UGT1A8: variants seen among roughly 807,000 people sequenced by gnomAD.
UGT1A8 encodes the protein UDP-glucuronosyltransferase 1A8.
UGT1A8 carries 39 observed loss-of-function variants against 45.3 expected under a neutral mutation model. The observed-to-expected ratio is 0.86, with a 90% CI of 0.67 to 1.12. The LOEUF (loss-of-function observed/expected upper bound fraction) is 1.12, where lower values mean the gene tolerates loss of function less well. Ranked by LOEUF, UGT1A8 falls within the 50% of genes most tolerant of loss-of-function variation. UGT1A8 has a pLI of 0.00. For missense variants in UGT1A8, 719 were observed against 664.9 expected (o/e 1.08, Z -0.90); for synonymous variants, 275 against 249.2 (o/e 1.10, Z -0.97).
intron 1 of UGT1A8, among the ~76,000 whole-genome samples, chr2:233,687,757 T>C (rs1463334802): frequency 6.6e-6 from 1 of 151,926 alleles, no homozygotes; most frequent in Non-Finnish European, 1.5e-5. Flanking sequence ...GTTTTAAAAA[T>C]TAGCTGGGCC....
chr2:233,710,730 G>T (rs192565787), intron 1 of UGT1A8, among the ~76,000 whole-genome samples: 1 of 152,102 alleles, frequency 6.6e-6, no homozygotes, highest in Non-Finnish European at 1.5e-5. Flanking sequence ...AAAAAACAAC[G>T]TCTTTCAAGG....
At chr2:233,722,627 C>T (rs571426683) in intron 1 of UGT1A8, among the ~76,000 whole-genome samples, 9 of 152,238 alleles carry the variant, frequency 5.9e-5, no homozygotes, top group African/African-American at 2.2e-4. Flanking sequence ...CTTAATGAAG[C>T]ATTGAGGGCT....
intron 1 of UGT1A8, among the ~76,000 whole-genome samples, chr2:233,673,494 G>C (rs1342736745): frequency 2.0e-5 from 3 of 151,848 alleles, no homozygotes; most frequent in Admixed American, 6.6e-5. Context: ...TTTTATCTTA[G>C]TTGACTAGAG....
At chr2:233,706,491 C>T (rs1051285844) in intron 1 of UGT1A8, among the ~76,000 whole-genome samples, 1 of 152,182 alleles carries the variant, frequency 6.6e-6, no homozygotes, top group Non-Finnish European at 1.5e-5. Context: ...TGAGGGTGTC[C>T]AGGCTGGTGT....
chr2:233,727,556 C>T (rs2077628647), intron 1 of UGT1A8, among the ~76,000 whole-genome samples: 1 of 152,116 alleles, frequency 6.6e-6, no homozygotes, highest in Non-Finnish European at 1.5e-5. Context: ...CACCTGGGCT[C>T]ATCATGAGGG....
chr2:233,655,632 A>G (rs1175286248), intron 1 of UGT1A8, among the ~76,000 whole-genome samples: 2 of 148,792 alleles, frequency 1.3e-5, no homozygotes, highest in African/African-American at 5.0e-5. Flanking sequence ...AGTTTCACAG[A>G]CTCTTCTCTT....
chr2:233,724,617 C>G (rs553228713), intron 1 of UGT1A8, among the ~76,000 whole-genome samples: 1 of 135,362 alleles, frequency 7.4e-6, no homozygotes, highest in South Asian at 2.8e-4. Flanking sequence ...CGGGCAGAGA[C>G]GCTCCTCACT....
At chr2:233,630,466 G>A (rs746939549) in intron 1 of UGT1A8, among the ~76,000 whole-genome samples, 2 of 152,086 alleles carry the variant, frequency 1.3e-5, no homozygotes, top group Non-Finnish European at 2.9e-5. Context: ...CAAATATTCT[G>A]GTTGATTTTC....
In UGT1A8 at chr2:233,680,118, A is replaced by G. The variant is rs180960924; in HGVS notation, c.855+61556A>G. The stretch of plus-strand genomic sequence containing the variant: ...CAATCATAGCGGCAGAGCTCAATCT[A>G]CGGTACCTATCAAGTAATTCAAGTT... On this transcript the variant is annotated intron_variant, in intron 1 of 4. Coordinates refer to ENST00000373450, the MANE Select transcript of UGT1A8 (RefSeq NM_019076.5). Among the ~76,000 whole-genome samples, 32 of 152,110 alleles carry G rather than the reference A, an allele frequency of 2.1e-4. No homozygotes were observed. In the East Asian group the frequency reaches 6.2e-3, roughly 29 times the overall value.
At chr2:233,704,044 A>C (rs4521035) in intron 1 of UGT1A8, among the ~76,000 whole-genome samples, 86,978 of 151,728 alleles carry the variant, frequency 0.57, 26,924 homozygotes, top group African/African-American at 0.82. Flanking sequence ...GTGTGCACCA[A>C]CATGCCTGGC....
intron 1 of UGT1A8, among the ~76,000 whole-genome samples, chr2:233,715,257 C>T (rs193085198): frequency 2.7e-4 from 41 of 152,160 alleles, no homozygotes; most frequent in African/African-American, 9.4e-4. Context: ...TTAAAAAATC[C>T]CCTTACATAA....
At chr2:233,644,321 A>G (rs983058884) in intron 1 of UGT1A8, among the ~76,000 whole-genome samples, 1 of 152,160 alleles carries the variant, frequency 6.6e-6, no homozygotes, top group Non-Finnish European at 1.5e-5. Context: ...TAATCCCAGC[A>G]CTTAGGGAGG....
At chr2:233,727,138 C>A (rs1201449660) in intron 1 of UGT1A8, among the ~76,000 whole-genome samples, 2 of 152,162 alleles carry the variant, frequency 1.3e-5, no homozygotes, top group Non-Finnish European at 2.9e-5. Context: ...GGGAACAAGA[C>A]CACACAGGTC....
At chr2:233,730,348 T>A (rs2078018262) in intron 1 of UGT1A8, among the ~76,000 whole-genome samples, 1 of 152,216 alleles carries the variant, frequency 6.6e-6, no homozygotes, top group Non-Finnish European at 1.5e-5. Flanking sequence ...TGATCCATCC[T>A]GGATTTTTTG....
At chr2:233,757,048 T>G (rs536754863) in intron 1 of UGT1A8, among the ~76,000 whole-genome samples, 1 of 151,428 alleles carries the variant, frequency 6.6e-6, no homozygotes, top group South Asian at 2.1e-4. Flanking sequence ...AAAGGAAGTT[T>G]GGGGAACAGC....
chr2:233,707,105 C>A lies in UGT1A8; in HGVS notation c.856-59929C>A, dbSNP rs183320889. Among the ~76,000 whole-genome samples the A allele has an allele frequency of 2.6e-5, 4 of 152,218 alleles. No homozygotes were observed. The East Asian group carries it at 7.7e-4, about 29-fold the overall frequency. On this transcript the variant is annotated intron_variant, in intron 1 of 4. Transcript: ENST00000373450. ...CACTTTGCATGGCAGCTGAGGGACC[C>A]CCAAAATACTCTGCATTAGGCTTTC...
chr2:233,727,759 G>T (rs2077649754), intron 1 of UGT1A8, among the ~76,000 whole-genome samples: 1 of 152,172 alleles, frequency 6.6e-6, no homozygotes. Flanking sequence ...CTGCCCTTGA[G>T]CTGGGTGTCC....
intron 1 of UGT1A8, among the ~76,000 whole-genome samples, chr2:233,640,377 C>G (rs1427433859): frequency 6.6e-6 from 1 of 152,020 alleles, no homozygotes; most frequent in Non-Finnish European, 1.5e-5. Context: ...GTCATTCCAT[C>G]ATTGAATATT....
rs541695478 is a variant in UGT1A8, at chr2:233,634,760, G to A, written c.855+16198G>A. Among the ~76,000 whole-genome samples, 119 of 145,148 alleles carry A rather than the reference G, an allele frequency of 8.2e-4. 6 individuals are homozygous for A. Among genetic ancestry groups the A allele is most frequent in the Non-Finnish European group, 1.7e-3 (111 of 66,496 alleles). The stretch of plus-strand genomic sequence containing the variant: ...TGGGTCTTGACTGTTTATCCAATTT[G>A]CCAGTCTGTGTCTTTTAATTGGGGC... On this transcript the variant is annotated intron_variant, in intron 1 of 4. Coordinates refer to ENST00000373450, the MANE Select transcript of UGT1A8 (RefSeq NM_019076.5).
Sources: allele counts gnomAD v4.1 joint callset (sites outside exome capture counted in the v4.1 genomes callset), GRCh38; gene constraint gnomAD v4.1.1; transcripts MANE v1.5; gene names NCBI Gene and HGNC (gene_info 2026-07-23, HGNC 2026-07-21).